The following CABP5 variants were observed in gnomAD, a reference collection of about 807,000 sequenced individuals.
The protein encoded by CABP5 is calcium-binding protein 5.
In CABP5, 17 loss-of-function variants were observed where a neutral mutation model predicts 21.9. The ratio of observed to expected loss-of-function variants is 0.78; its 90% confidence interval spans 0.53 to 1.17. CABP5 has a LOEUF of 1.17. Among genes scored for constraint, CABP5 ranks in the 50% most tolerant of loss-of-function variants. CABP5 has a pLI of 0.00. For synonymous variants in CABP5, 85 were observed against 79.4 expected, an observed-to-expected ratio of 1.07 and a Z score of -0.37; for missense variants, 229 against 228.9, an observed-to-expected ratio of 1.00 and a Z score of 0.00.
intron 5 of CABP5, among the ~76,000 whole-genome samples, chr19:48,032,617 C>T (rs892500790): frequency 2.0e-5 from 3 of 150,634 alleles, no homozygotes; most frequent in African/African-American, 4.9e-5. Flanking sequence ...GTGTGAGCCA[C>T]GCGCCTGGCC....
rs1246116174 is a variant in CABP5 at position 48,040,754 on chromosome 19, A to T, written c.95-6T>A. On this transcript the variant is annotated splice_region_variant and splice_polypyrimidine_tract_variant and intron_variant, in intron 2 of 5. Coordinates refer to ENST00000293255, the MANE Select transcript of CABP5 (RefSeq NM_019855.5). ...AAGAAATGCTTCCCGCAGCTCTGAAAGTTAAGAGAGAACTTTGGGGGAACT... is the reference window on the plus strand; with the variant it reads ...AAGAAATGCTTCCCGCAGCTCTGAATGTTAAGAGAGAACTTTGGGGGAACT... 6.2e-7 allele frequency: 1 copy of T among 1,613,686 alleles called. No homozygotes were observed. Among genetic ancestry groups the T allele is most frequent in the Non-Finnish European group, 8.5e-7 (1 of 1,179,778 alleles).
intron 3 of CABP5, 126 bp downstream of exon 3, chr19:48,040,468 ACCTGTTTTCTT>A: frequency 1.2e-6 from 1 of 817,340 alleles, no homozygotes. Flanking sequence ...GTCGAATCTG[ACCTGTTTTCTT>A]CCAGACTTCT....
intron 5 of CABP5, among the ~76,000 whole-genome samples, chr19:48,030,783 C>A (rs1967330635): frequency 6.6e-6 from 1 of 152,030 alleles, no homozygotes; most frequent in South Asian, 2.1e-4. Context: ...CTCAGTTTCT[C>A]ATCTGTCAAG....
chr19:48,038,216 G>T (rs1967435279), intron 4 of CABP5, among the ~76,000 whole-genome samples: 1 of 152,104 alleles, frequency 6.6e-6, no homozygotes, highest in Admixed American at 6.6e-5. Flanking sequence ...AGCCCGGCCA[G>T]CTGTAGATCT....
chr19:48,040,719 T>C lies in CABP5; in HGVS notation c.124A>G (p.Lys42Glu). Residue 42 changes from lysine to glutamate, a missense_variant, in exon 3 of 6, where the codon AAG becomes GAG. Physicochemically the swap from Lys to Glu is moderately conservative, Grantham distance 56. Transcript: ENST00000293255. ...CAAGAGATGAACCCATCTCGGTCCT[T>C]ATCGAACTCAAGAAATGCTTCCCGC... ...ELREAFLEFD[K>E]DRDGFISCKD... The C allele has an allele frequency of 6.2e-7, 1 of 1,614,058 alleles. No individual in the cohort carries two copies. The highest frequency in any genetic ancestry group is 8.5e-7 in the Non-Finnish European group (1 of 1,179,962).
intron 3 of CABP5, among the ~76,000 whole-genome samples, 156 bp downstream of exon 3, chr19:48,040,449 C>T (rs1568414273): frequency 6.6e-6 from 1 of 152,132 alleles, no homozygotes; most frequent in Non-Finnish European, 1.5e-5. Context: ...TCAAATGCTG[C>T]CTTCCTGAGT....
rs914257531 is a variant in CABP5 at position 48,039,381 on chromosome 19, G to C, written c.239-64C>G. On this transcript the variant is annotated intron_variant, in intron 3 of 5. Transcript: ENST00000293255. ...CCCTGGCCTTCCATTACCTCACTTT[G>C]TGCTTCGAGTCAGTTAGATCAGCTC... The C allele has an allele frequency of 3.9e-6, 5 of 1,265,846 alleles. No homozygotes were observed. The South Asian group carries it at 6.0e-5, about 15-fold the overall frequency. The allele number at this position is 1,265,846 out of a possible 1,614,324, so 78.4% of individuals were successfully genotyped here. A position where few individuals can be genotyped will look rare whatever the true frequency, so the allele number is the denominator to read the frequency against.
At chr19:48,036,783 G>A (rs774259787) in intron 4 of CABP5, among the ~76,000 whole-genome samples, 11 of 151,874 alleles carry the variant, frequency 7.2e-5, no homozygotes, top group Non-Finnish European at 1.2e-4. Context: ...GGCAAAAGAC[G>A]TGAACAGCTA....
chr19:48,043,759 T>A, intron 1 of CABP5, 101 bp downstream of exon 1: 2 of 1,008,510 alleles, frequency 2.0e-6, no homozygotes, highest in Non-Finnish European at 2.7e-6. Flanking sequence ...TCTATCCACC[T>A]GTTCCCCTGG....
At chr19:48,042,029 C>T (rs191518043) in intron 1 of CABP5, among the ~76,000 whole-genome samples, 113 of 152,294 alleles carry the variant, frequency 7.4e-4, no homozygotes, top group African/African-American at 2.6e-3. Context: ...TGCAGATCTA[C>T]ATCTCGTTTC....
chr19:48,035,842 G>A (rs1403571807), intron 4 of CABP5, among the ~76,000 whole-genome samples: 4 of 152,176 alleles, frequency 2.6e-5, no homozygotes, highest in Non-Finnish European at 5.9e-5. Context: ...TGTGTGTCAT[G>A]GGACGTTGTC....
intron 4 of CABP5, among the ~76,000 whole-genome samples, chr19:48,037,361 C>T (rs538862648): frequency 6.9e-6 from 1 of 145,484 alleles, no homozygotes. Flanking sequence ...CTCTGCCTCC[C>T]GGGTTCAAGC....
At chr19:48,041,416 C>A (rs1967480290) in intron 2 of CABP5, 157 bp downstream of exon 2, 1 of 740,110 alleles carries the variant, frequency 1.4e-6, no homozygotes, top group Non-Finnish European at 2.3e-6. Context: ...CTTCAACTGC[C>A]ACGAGAAAGA....
chr19:48,041,761 CTCCTG>C (rs1411928294), intron 1 of CABP5, among the ~76,000 whole-genome samples, 158 bp from the exon 2 acceptor site: 1 of 152,120 alleles, frequency 6.6e-6, no homozygotes, highest in Non-Finnish European at 1.5e-5. Flanking sequence ...CATCTCCTGA[CTCCTG>C]TTCCACAGTT....
At chr19:48,032,467 C>T (rs570344964) in intron 5 of CABP5, among the ~76,000 whole-genome samples, 7 of 150,866 alleles carry the variant, frequency 4.6e-5, no homozygotes, top group Admixed American at 6.6e-5. Context: ...GTAGCTGGGA[C>T]TACAGGCACA....
At chr19:48,033,773 A>T (rs759017128) in intron 5 of CABP5, among the ~76,000 whole-genome samples, 2 of 152,166 alleles carry the variant, frequency 1.3e-5, no homozygotes, top group Admixed American at 1.3e-4. Context: ...ACTGACCCTT[A>T]AAGAGAAAAA....
Sources: gnomAD v4.1 joint callset for allele counts (sites outside exome capture counted in the v4.1 genomes callset) on GRCh38, gnomAD v4.1.1 for gene constraint, MANE v1.5 for transcripts, NCBI Gene and HGNC (gene_info 2026-07-23, HGNC 2026-07-21) for gene names.